SIK3: variants seen among roughly 807,000 people sequenced by gnomAD.
SIK3 encodes serine/threonine-protein kinase SIK3.
A neutral mutation model predicts 144.2 loss-of-function variants in SIK3; 28 were observed. The observed-to-expected ratio is 0.19, with a 90% CI of 0.14 to 0.27. The LOEUF is 0.27. SIK3 is among the 10% of genes least tolerant of loss of function. The pLI is 1.00. For missense variants in SIK3, 1,319 were observed against 1,776.0 expected (o/e 0.74, Z 4.62); for synonymous variants, 686 against 676.3 (o/e 1.01, Z -0.22).
At chr11:116,897,390 T>C in intron 4 of SIK3, 73 bp from the exon 5 acceptor site, 1 of 1,317,346 alleles carries the variant, frequency 7.6e-7, no homozygotes, top group Non-Finnish European at 1.1e-6. Flanking sequence ...TAGTCTCTAG[T>C]CACTAAAGAT....
intron 1 of SIK3, among the ~76,000 whole-genome samples, chr11:116,962,287 G>A (rs1183402849): frequency 3.9e-5 from 6 of 152,176 alleles, no homozygotes; most frequent in Non-Finnish European, 8.8e-5. Flanking sequence ...GAACTACGTA[G>A]GAGGGAAATG....
At chr11:117,044,411 C>T (rs1952868025) in intron 1 of SIK3, among the ~76,000 whole-genome samples, 2 of 152,096 alleles carry the variant, frequency 1.3e-5, no homozygotes, top group South Asian at 4.2e-4. Context: ...GATTAAGAGT[C>T]CCAGTGACTA....
intron 6 of SIK3, among the ~76,000 whole-genome samples, 190 bp from the exon 7 acceptor site, chr11:116,877,232 G>T (rs2134574970): frequency 6.6e-6 from 1 of 152,300 alleles, no homozygotes; most frequent in South Asian, 2.1e-4. Context: ...GCAGAGAGAG[G>T]TGGAGAAAAA....
At chr11:117,080,611 T>C (rs745616936) in intron 1 of SIK3, among the ~76,000 whole-genome samples, 3 of 151,964 alleles carry the variant, frequency 2.0e-5, no homozygotes, top group Non-Finnish European at 4.4e-5. Flanking sequence ...AGTGTGCAAA[T>C]ATAAATGTGC....
intron 6 of SIK3, among the ~76,000 whole-genome samples, chr11:116,890,911 G>A (rs1945066988): frequency 6.6e-6 from 1 of 152,148 alleles, no homozygotes; most frequent in Admixed American, 6.5e-5. Flanking sequence ...CTATGTCATT[G>A]TTTCTGAAAT....
At chr11:116,877,088 C>A in intron 6 of SIK3, 46 bp from the exon 7 acceptor site, 1 of 1,567,848 alleles carries the variant, frequency 6.4e-7, no homozygotes, top group South Asian at 1.1e-5. Flanking sequence ...TGAGGGGAGG[C>A]ACCAGGGGAG....
chr11:116,862,056 G>T, intron 17 of SIK3, 130 bp from the exon 18 acceptor site: 1 of 1,310,518 alleles, frequency 7.6e-7, no homozygotes, highest in Non-Finnish European at 1.1e-6. Context: ...TTCACCAGAA[G>T]GTCTGATTAC....
In SIK3 at chr11:116,846,476, G is replaced by C. The variant is rs762528670; in HGVS notation, c.4030C>G (p.Pro1344Ala). The C allele has an allele frequency of 6.2e-7, 1 of 1,614,246 alleles. No homozygotes were observed. The highest frequency in any genetic ancestry group is 1.1e-5 in the South Asian group (1 of 91,092). The change falls in exon 24 of 25, where the codon CCA becomes GCA. Residue 1344 changes from proline to alanine, a missense_variant. Pro to Ala is a conservative substitution (Grantham distance 27). Coordinates refer to ENST00000445177, the MANE Select transcript of SIK3 (RefSeq NM_001366686.3). This position sits in a 1 kb window ranked among gnomAD's most constrained non-coding sequence, Gnocchi z 4.1. ...GSQHLNSSCY[P>A]STCITDILLS... ...AGAATGTCTGTAATACACGTAGATG[G>C]ATAGCAAGAGGAGTTTAAATGCTGG...
intron 1 of SIK3, among the ~76,000 whole-genome samples, chr11:116,996,541 C>T (rs531770749): frequency 3.9e-5 from 6 of 152,034 alleles, no homozygotes; most frequent in East Asian, 1.9e-4. Flanking sequence ...GTTCTCAGGC[C>T]GGGCACGGTG....
At chr11:116,864,124 C>A (rs1943499725) in intron 15 of SIK3, 1 of 220,500 alleles carries the variant, frequency 4.5e-6, no homozygotes, top group African/African-American at 2.3e-5. Flanking sequence ...AAAAGCTTCT[C>A]AATATCCTCC....
At chr11:116,941,194 G>C (rs190683074) in intron 3 of SIK3, among the ~76,000 whole-genome samples, 94 of 152,206 alleles carry the variant, frequency 6.2e-4, no homozygotes, top group African/African-American at 1.9e-3. Context: ...TTTCGGTAGA[G>C]ACGGGCTTTC....
intron 17 of SIK3, 51 bp downstream of exon 17, chr11:116,862,150 GC>G (rs1457130646): frequency 3.1e-6 from 5 of 1,613,212 alleles, no homozygotes; most frequent in Non-Finnish European, 4.2e-6. Flanking sequence ...AGGCAAATCA[GC>G]CTGAAAGCAA....
At chr11:117,056,352 A>C (rs915493322) in intron 1 of SIK3, among the ~76,000 whole-genome samples, 5 of 152,204 alleles carry the variant, frequency 3.3e-5, no homozygotes, top group African/African-American at 1.2e-4. Context: ...AGGAAGGGGA[A>C]CATCACACAC....
At chr11:116,879,027 G>GC (rs1230130538) in intron 6 of SIK3, among the ~76,000 whole-genome samples, 4 of 152,118 alleles carry the variant, frequency 2.6e-5, no homozygotes, top group African/African-American at 9.7e-5. Flanking sequence ...GCAATGCAAG[G>GC]CCCATGTCTT....
At chr11:116,896,471 C>T in intron 5 of SIK3, 95 bp from the exon 6 acceptor site, 2 of 1,361,094 alleles carry the variant, frequency 1.5e-6, no homozygotes, top group Non-Finnish European at 2.0e-6. Flanking sequence ...GTGAGTCATG[C>T]ATACGATTAT....
chr11:117,036,796 T>C (rs188261927), intron 1 of SIK3, among the ~76,000 whole-genome samples: 25 of 152,306 alleles, frequency 1.6e-4, no homozygotes, highest in Non-Finnish European at 2.6e-4. Flanking sequence ...AAAGTTGGGA[T>C]AGTATATAAA....
At chr11:116,935,869 T>C (rs1022591109) in intron 3 of SIK3, among the ~76,000 whole-genome samples, 5 of 152,216 alleles carry the variant, frequency 3.3e-5, no homozygotes, top group Admixed American at 6.5e-5. Flanking sequence ...CTAATGCCAA[T>C]ACATAAGGCT....
At chr11:116,899,132 G>A (rs892976133) in intron 4 of SIK3, among the ~76,000 whole-genome samples, 6 of 152,098 alleles carry the variant, frequency 3.9e-5, no homozygotes, top group South Asian at 2.1e-4. Flanking sequence ...TTAATCCATC[G>A]TGAATTGATT....
At chr11:116,876,586 T>A (rs1591443304) in intron 7 of SIK3, among the ~76,000 whole-genome samples, 1 of 152,210 alleles carries the variant, frequency 6.6e-6, no homozygotes, top group South Asian at 2.1e-4. Flanking sequence ...GTGGTTTAAA[T>A]AAAAGCATGC....
Sources: gnomAD v4.1 joint callset for allele counts (sites outside exome capture counted in the v4.1 genomes callset) on GRCh38, gnomAD v4.1.1 for gene constraint, Gnocchi (gnomAD v3.1) non-coding constraint, MANE v1.5 for transcripts, NCBI Gene and HGNC (gene_info 2026-07-23, HGNC 2026-07-21) for gene names.